The following BTBD3 variants were observed in gnomAD, a reference collection of about 807,000 sequenced individuals.
The protein encoded by BTBD3 is BTB/POZ domain-containing protein 3.
A neutral mutation model predicts 41.6 loss-of-function variants in BTBD3; 14 were observed. The observed-to-expected ratio is 0.34, with a 90% CI of 0.22 to 0.53. The LOEUF is 0.53. BTBD3 is among the 20% of genes least tolerant of loss of function. The probability of loss-of-function intolerance (pLI) is 0.95; values close to 1 mark genes in which losing one functional copy is unlikely to be tolerated. For synonymous variants in BTBD3, 249 were observed against 233.7 expected, an observed-to-expected ratio of 1.07 and a Z score of -0.60; for missense variants, 426 against 654.7, an observed-to-expected ratio of 0.65 and a Z score of 3.81.
chr20:11,908,321 G>GTTTTTTTTTTT lies in BTBD3; in HGVS notation c.-125-10005_-125-9995dup, dbSNP rs3834758. On this transcript the variant is annotated intron_variant, in intron 1 of 4. Transcript: ENST00000254977. ...ATGGTGGAGTGGTTGCTTCTCTGTG[G>GTTTTTTTTTTT]TTTTTTTTTTTTTTTTTTAAATAAG... 7.2e-3 allele frequency among the ~76,000 whole-genome samples: 556 copies of GTTTTTTTTTTT among 76,958 alleles called. 62 individuals carry two copies. Among genetic ancestry groups the GTTTTTTTTTTT allele is most frequent in the African/African-American group, 0.024 (486 of 20,538 alleles). The allele number at this position is 76,958 out of a possible 152,430, so 50.5% of individuals were successfully genotyped here. A position where few individuals can be genotyped will look rare whatever the true frequency, so the allele number is the denominator to read the frequency against.
chr20:11,910,495 T>C (rs952322264), intron 1 of BTBD3: 2 of 141,164 alleles, frequency 1.4e-5, no homozygotes, highest in Non-Finnish European at 3.1e-5. Flanking sequence ...TTGGATAGAC[T>C]ATTTTCAAGT....
chr20:11,898,130 C>T (rs191637895), intron 1 of BTBD3, among the ~76,000 whole-genome samples: 9 of 152,254 alleles, frequency 5.9e-5, no homozygotes, highest in Admixed American at 1.3e-4. Context: ...CCATTGCATT[C>T]CAGCCTGGGG....
chr20:11,920,730 G>C (rs1197626540), intron 3 of BTBD3, among the ~76,000 whole-genome samples: 2 of 152,022 alleles, frequency 1.3e-5, no homozygotes, highest in African/African-American at 4.8e-5. Flanking sequence ...GTTATCTGTT[G>C]CTCTAGGGAT....
chr20:11,916,247 C>A (rs1032722285), upstream of BTBD3, among the ~76,000 whole-genome samples: 3 of 152,188 alleles, frequency 2.0e-5, no homozygotes, highest in Non-Finnish European at 4.4e-5. Flanking sequence ...TTCAGTGGCA[C>A]TTGAGCAAGA....
At chr20:11,906,030 G>T (rs2056851441) in intron 1 of BTBD3, among the ~76,000 whole-genome samples, 1 of 152,166 alleles carries the variant, frequency 6.6e-6, no homozygotes, top group African/African-American at 2.4e-5. Context: ...TATGGCCAGT[G>T]AATTCGTTAT....
chr20:11,893,594 A>G (rs945077101), intron 1 of BTBD3, among the ~76,000 whole-genome samples: 1 of 152,258 alleles, frequency 6.6e-6, no homozygotes, highest in Non-Finnish European at 1.5e-5. Context: ...GAAGGTGTGC[A>G]TTAATGTACA....
At chr20:11,921,132 T>C (rs2056966948) in intron 3 of BTBD3, among the ~76,000 whole-genome samples, 1 of 152,242 alleles carries the variant, frequency 6.6e-6, no homozygotes. Context: ...TTTCTGTTGC[T>C]GAGGAGATTG....
chr20:11,907,750 G>A (rs1413706616), intron 1 of BTBD3, among the ~76,000 whole-genome samples: 1 of 152,182 alleles, frequency 6.6e-6, no homozygotes, highest in Non-Finnish European at 1.5e-5. Flanking sequence ...GAGGATGGCA[G>A]GAAGCAATGG....
At chr20:11,896,355 AT>A (rs1797985680) in intron 1 of BTBD3, among the ~76,000 whole-genome samples, 1 of 152,190 alleles carries the variant, frequency 6.6e-6, no homozygotes, top group South Asian at 2.1e-4. Flanking sequence ...GCTGGCACTT[AT>A]GCGAAAAGCT....
At chr20:11,906,253 C>CTTTTTTTTTTTTTTTTTTT (rs1568610658) in intron 1 of BTBD3, among the ~76,000 whole-genome samples, 1 of 37,348 alleles carries the variant, frequency 2.7e-5, no homozygotes, top group Non-Finnish European at 6.3e-5. Context: ...TATTATTACT[C>CTTTTTTTTTTTTTTTTTTT]CTTTTTTTTT....
chr20:11,905,613 G>C (rs1032356028), intron 1 of BTBD3, among the ~76,000 whole-genome samples: 6 of 152,156 alleles, frequency 3.9e-5, no homozygotes, highest in Non-Finnish European at 7.4e-5. Context: ...TGGGTGAGGA[G>C]GACTGCGGAA....
intron 1 of BTBD3, among the ~76,000 whole-genome samples, chr20:11,908,651 G>A (rs2056870874): frequency 6.6e-6 from 1 of 151,874 alleles, no homozygotes. Context: ...TTTTATTTTA[G>A]AGAATATTAG....
At chr20:11,911,985 C>A (rs1426849761) in intron 1 of BTBD3, among the ~76,000 whole-genome samples, 1 of 152,156 alleles carries the variant, frequency 6.6e-6, no homozygotes, top group East Asian at 1.9e-4. Context: ...TCCCTGCCTT[C>A]TAAGAATTAC....
In BTBD3 at chr20:11,893,532, C is replaced by T. The variant is rs139562468; in HGVS notation, c.-126+2578C>T. On this transcript the variant is annotated intron_variant, in intron 1 of 4. Transcript: ENST00000254977. ...CACACATTTAAAAATTACCTTTAAGCCTTTTCAATTTAGTATCTCTTTCAG... is the reference window on the plus strand; with the variant it reads ...CACACATTTAAAAATTACCTTTAAGTCTTTTCAATTTAGTATCTCTTTCAG... Among the ~76,000 whole-genome samples, 22 of 152,316 alleles carry T rather than the reference C, an allele frequency of 1.4e-4. No individual in the cohort carries two copies. In the East Asian group the frequency reaches 2.9e-3, roughly 20 times the overall value.
At chr20:11,899,143 G>A (rs2056808720) in intron 1 of BTBD3, among the ~76,000 whole-genome samples, 1 of 152,042 alleles carries the variant, frequency 6.6e-6, no homozygotes, top group Non-Finnish European at 1.5e-5. Flanking sequence ...TGCTGTTTGG[G>A]ACATCTTTCA....
At chr20:11,891,946 C>T (rs2056757157) in intron 1 of BTBD3, among the ~76,000 whole-genome samples, 1 of 152,148 alleles carries the variant, frequency 6.6e-6, no homozygotes, top group Non-Finnish European at 1.5e-5. Flanking sequence ...AAAGCCCAAT[C>T]GCACACCAGA....
Position 11,924,523 on chromosome 20 carries a change from A to G in BTBD3, c.*857A>G, listed in dbSNP as rs1204324909. 4 of 152,622 alleles carry G rather than the reference A, an allele frequency of 2.6e-5. No homozygotes were observed. The highest frequency in any genetic ancestry group is 5.9e-5 in the Non-Finnish European group (4 of 68,032). The allele number at this position is 152,622 out of a possible 1,614,324, so 9.5% of individuals were successfully genotyped here. ...GGCATATAAGAATATGCAGTTTGAA[A>G]AAGCCAAACTCTTCTCTCCACTTAG... On this transcript the variant is annotated 3_prime_UTR_variant, in exon 4 of 4. Coordinates refer to ENST00000378226, the MANE Select transcript of BTBD3 (RefSeq NM_014962.4).
chr20:11,908,324 T>TTTTTTTTG (rs1431881151), intron 1 of BTBD3, among the ~76,000 whole-genome samples: 1 of 144,978 alleles, frequency 6.9e-6, no homozygotes, highest in Non-Finnish European at 1.5e-5. Flanking sequence ...CTCTGTGGTT[T>TTTTTTTTG]TTTTTTTTTT....
chr20:11,901,692 C>T (rs572581830), intron 1 of BTBD3, among the ~76,000 whole-genome samples: 3 of 152,248 alleles, frequency 2.0e-5, no homozygotes, highest in African/African-American at 7.2e-5. Flanking sequence ...GTTCTGAACT[C>T]TTAGCTAGCA....
Sources: gnomAD v4.1 joint callset for allele counts (sites outside exome capture counted in the v4.1 genomes callset) on GRCh38, gnomAD v4.1.1 for gene constraint, MANE v1.5 for transcripts, NCBI Gene and HGNC (gene_info 2026-07-23, HGNC 2026-07-21) for gene names.